The following EFL1 variants were observed in gnomAD, a reference collection of about 807,000 sequenced individuals.
The protein encoded by EFL1 is elongation factor-like GTPase 1.
A neutral mutation model predicts 126.7 loss-of-function variants in EFL1; 76 were observed. That is an observed-to-expected ratio of 0.60 (90% confidence interval 0.50 to 0.73). The LOEUF (loss-of-function observed/expected upper bound fraction) is 0.73, where lower values mean the gene tolerates loss of function less well. Among genes scored for constraint, EFL1 ranks in the 30% least tolerant of loss-of-function variants. The pLI is 0.00. For synonymous variants in EFL1, 410 were observed against 448.4 expected, an observed-to-expected ratio of 0.91 and a Z score of 1.08; for missense variants, 1,128 against 1,343.2, an observed-to-expected ratio of 0.84 and a Z score of 2.50.
chr15:82,213,594 A>T (rs1227322028), intron 15 of EFL1, among the ~76,000 whole-genome samples: 2 of 152,208 alleles, frequency 1.3e-5, no homozygotes, highest in Non-Finnish European at 2.9e-5. Context: ...CCATTCACTC[A>T]GCAGAATGCC....
intron 15 of EFL1, among the ~76,000 whole-genome samples, chr15:82,191,770 C>T (rs1288667157): frequency 6.6e-6 from 1 of 152,110 alleles, no homozygotes; most frequent in African/African-American, 2.4e-5. Context: ...TTGGAAGACA[C>T]TTGGAAATTA....
intron 2 of EFL1, 93 bp from the exon 3 acceptor site, chr15:82,259,248 G>T: frequency 8.7e-7 from 1 of 1,155,184 alleles, no homozygotes; most frequent in Non-Finnish European, 1.3e-6. Flanking sequence ...CATAAGAATT[G>T]GTTTAGTAAA....
At chr15:82,174,707 T>A (rs2074175896) in intron 15 of EFL1, among the ~76,000 whole-genome samples, 1 of 152,150 alleles carries the variant, frequency 6.6e-6, no homozygotes, top group Non-Finnish European at 1.5e-5. Context: ...GCCTTCAGTT[T>A]AAGAAGGCTG....
At chr15:82,194,604 G>C (rs892333231) in intron 15 of EFL1, among the ~76,000 whole-genome samples, 4 of 152,184 alleles carry the variant, frequency 2.6e-5, no homozygotes, top group Admixed American at 2.0e-4. Flanking sequence ...GAATATATCA[G>C]TGATAATAAG....
At chr15:82,157,484 T>C in intron 17 of EFL1, 1 of 407,584 alleles carries the variant, frequency 2.5e-6, no homozygotes, top group East Asian at 4.0e-5. Flanking sequence ...GAAAAACATT[T>C]TATGACTTAA....
intron 15 of EFL1, among the ~76,000 whole-genome samples, chr15:82,211,726 G>C (rs370408924): frequency 6.6e-6 from 1 of 151,778 alleles, no homozygotes; most frequent in African/African-American, 2.4e-5. Context: ...GCTAACATAC[G>C]CTACACATTT....
At chr15:82,132,899 A>G (rs1225002952) in intron 19 of EFL1, among the ~76,000 whole-genome samples, 1 of 152,102 alleles carries the variant, frequency 6.6e-6, no homozygotes, top group East Asian at 1.9e-4. Flanking sequence ...GGCCTAGGAT[A>G]GAAAGGCTCA....
intron 2 of EFL1, among the ~76,000 whole-genome samples, chr15:82,260,096 T>C (rs538741217): frequency 6.6e-6 from 1 of 152,344 alleles, no homozygotes; most frequent in African/African-American, 2.4e-5. Context: ...GCTTGTCATA[T>C]AGAAGACCTT....
chr15:82,230,017 C>A (rs1833341327), intron 8 of EFL1, among the ~76,000 whole-genome samples: 1 of 152,142 alleles, frequency 6.6e-6, no homozygotes, highest in African/African-American at 2.4e-5. Context: ...TGCTCTTTCC[C>A]ACTTAGCTAT....
chr15:82,188,149 T>G (rs1472679682), intron 15 of EFL1, among the ~76,000 whole-genome samples: 1 of 152,192 alleles, frequency 6.6e-6, no homozygotes, highest in African/African-American at 2.4e-5. Flanking sequence ...AATTGTTTAC[T>G]TTAAACAATT....
intron 15 of EFL1, among the ~76,000 whole-genome samples, chr15:82,211,389 G>T (rs2074583296): frequency 6.6e-6 from 1 of 151,724 alleles, no homozygotes; most frequent in Non-Finnish European, 1.5e-5. Context: ...AGGTGGGCAT[G>T]GTGGCACATG....
chr15:82,240,588 A>G, intron 5 of EFL1, 33 bp from the exon 6 acceptor site: 1 of 1,609,582 alleles, frequency 6.2e-7, no homozygotes, highest in South Asian at 1.1e-5. Context: ...TGTAAAACTC[A>G]TGATTTGAAA....
At chr15:82,261,215 T>C (rs181686838) in intron 2 of EFL1, among the ~76,000 whole-genome samples, 1,513 of 151,100 alleles carry the variant, frequency 0.01, 27 homozygotes, top group African/African-American at 0.035. Context: ...TCTACTTTTT[T>C]CTCTTGTTTG....
At position 82,201,428 on chromosome 15, in the gene EFL1, G is replaced by C. The variant is rs375520894; in HGVS notation, c.1750+13289C>G. 3.9e-4 allele frequency among the ~76,000 whole-genome samples: 59 copies of C among 152,248 alleles called. 1 individual carries two copies. In the South Asian group the frequency reaches 0.012, roughly 30 times the overall value. On this transcript the variant is annotated intron_variant, in intron 15 of 19. Coordinates refer to ENST00000268206, the MANE Select transcript of EFL1 (RefSeq NM_024580.6). ...CACTCTATGTATAAAACCAGAAAAA[G>C]GCCAAGTGTTTTTTAAAAGACCATA...
At chr15:82,165,761 C>A (rs1419761727) in intron 15 of EFL1, among the ~76,000 whole-genome samples, 2 of 152,200 alleles carry the variant, frequency 1.3e-5, no homozygotes, top group East Asian at 3.8e-4. Flanking sequence ...TTTGTCAGAT[C>A]CTTTTAACTC....
At chr15:82,237,186 C>T (rs1317998541) in intron 7 of EFL1, among the ~76,000 whole-genome samples, 8 of 152,178 alleles carry the variant, frequency 5.3e-5, no homozygotes, top group Middle Eastern at 6.8e-3. Context: ...AAAAAATAAA[C>T]GTTGCTCATT....
At chr15:82,227,276 AG>A (rs1252558733) in intron 11 of EFL1, among the ~76,000 whole-genome samples, 173 bp downstream of exon 11, 4 of 152,192 alleles carry the variant, frequency 2.6e-5, no homozygotes, top group Admixed American at 2.6e-4. Context: ...CTTTGGGGTG[AG>A]GGTGGGAGGC....
rs2141351226 is a variant in EFL1, at chr15:82,262,685, G to A, written c.-91C>T. 3.4e-6 allele frequency: 2 copies of A among 587,046 alleles called. No homozygotes were observed. The highest frequency in any genetic ancestry group is 2.2e-5 in the South Asian group (1 of 45,636). The allele number at this position is 587,046 out of a possible 1,614,324, so 36.4% of individuals were successfully genotyped here. On this transcript the variant is annotated 5_prime_UTR_variant, in exon 1 of 20. Coordinates refer to ENST00000268206, the MANE Select transcript of EFL1 (RefSeq NM_024580.6). ...CCACACCGAGAGCTTCCGAAAGTCCGAGAGCTCTGCGGGTCCGACACGCCC... is the reference window on the plus strand; with the variant it reads ...CCACACCGAGAGCTTCCGAAAGTCCAAGAGCTCTGCGGGTCCGACACGCCC...
At chr15:82,190,111 A>T (rs937390954) in intron 15 of EFL1, among the ~76,000 whole-genome samples, 111 of 84,232 alleles carry the variant, frequency 1.3e-3, no homozygotes, top group African/African-American at 4.2e-3. Context: ...ACTCTGTCTT[A>T]AAAAAAAAAA....
Sources: gnomAD v4.1 joint callset for allele counts (sites outside exome capture counted in the v4.1 genomes callset) on GRCh38, gnomAD v4.1.1 for gene constraint, MANE v1.5 for transcripts, NCBI Gene and HGNC (gene_info 2026-07-23, HGNC 2026-07-21) for gene names.